PINX1: variants seen among roughly 807,000 people sequenced by gnomAD.
PINX1 encodes PIN2/TERF1-interacting telomerase inhibitor 1.
A neutral mutation model predicts 25.4 loss-of-function variants in PINX1; 34 were observed. The ratio of observed to expected loss-of-function variants is 1.34; its 90% CI spans 1.02 to 1.78. The LOEUF is 1.78. PINX1 is among the 40% of genes most tolerant of loss of function. PINX1 has a pLI of 0.00. For missense variants in PINX1, 592 were observed against 404.9 expected (o/e 1.46, Z -3.97); for synonymous variants, 197 against 147.7 (o/e 1.33, Z -2.42).
intron 6 of PINX1, among the ~76,000 whole-genome samples, chr8:10,785,882 A>T (rs1801732357): frequency 6.6e-6 from 1 of 152,232 alleles, no homozygotes; most frequent in South Asian, 2.1e-4. Context: ...TTTTCTCTTT[A>T]GCTAGACAAG....
intron 6 of PINX1, among the ~76,000 whole-genome samples, chr8:10,772,578 A>C (rs1316633916): frequency 6.6e-6 from 1 of 152,260 alleles, no homozygotes; most frequent in East Asian, 1.9e-4. Flanking sequence ...CACATCTGGA[A>C]TTAGGCTAAA....
At chr8:10,809,451 G>A (rs552994003) in intron 6 of PINX1, among the ~76,000 whole-genome samples, 1 of 152,270 alleles carries the variant, frequency 6.6e-6, no homozygotes, top group South Asian at 2.1e-4. Context: ...GTGCTCAATA[G>A]AAAATATAGC....
intron 6 of PINX1, among the ~76,000 whole-genome samples, chr8:10,770,901 G>A (rs532478676): frequency 6.6e-6 from 1 of 152,184 alleles, no homozygotes; most frequent in African/African-American, 2.4e-5. Context: ...AAGACACGGA[G>A]GTCATGCTGC....
At chr8:10,800,160 A>G (rs1318146036) in intron 6 of PINX1, among the ~76,000 whole-genome samples, 2 of 152,162 alleles carry the variant, frequency 1.3e-5, no homozygotes, top group Non-Finnish European at 2.9e-5. Context: ...ACTTCCACAA[A>G]GTGAGACCTT....
intron 4 of PINX1, among the ~76,000 whole-genome samples, chr8:10,831,310 A>G (rs1349212689): frequency 6.6e-6 from 1 of 152,248 alleles, no homozygotes; most frequent in African/African-American, 2.4e-5. Context: ...GGAACAGCTA[A>G]AGATTGGCTA....
chr8:10,779,443 C>T (rs1351036198), intron 6 of PINX1, among the ~76,000 whole-genome samples: 1 of 151,724 alleles, frequency 6.6e-6, no homozygotes, highest in Non-Finnish European at 1.5e-5. Context: ...AAAAGAAATT[C>T]CAGATGACTG....
intron 6 of PINX1, among the ~76,000 whole-genome samples, chr8:10,782,997 C>T (rs1356296254): frequency 9.2e-5 from 14 of 152,080 alleles, no homozygotes. Context: ...AGGGGAAACA[C>T]ACATTCCAAA....
chr8:10,826,140 G>C lies in PINX1; in HGVS notation c.394+12C>G, dbSNP rs193016234. The C allele has an allele frequency of 7.0e-7, 1 of 1,433,968 alleles. No homozygotes were observed. Among genetic ancestry groups the C allele is most frequent in the Non-Finnish European group, 9.7e-7 (1 of 1,031,696 alleles). 88.8% of individuals were successfully genotyped at this position (1,433,968 alleles called of 1,614,324 possible). A position where few individuals can be genotyped will look rare whatever the true frequency, so the allele number is the denominator to read the frequency against. ...AGATTTCAATAACAAGTAAAGAAAT[G>C]CTTAATCTTACCTTTTGTGAATTTC... On this transcript the variant is annotated intron_variant, in intron 5 of 6. Transcript: ENST00000314787.
chr8:10,823,459 A>C (rs1797937366), intron 5 of PINX1, among the ~76,000 whole-genome samples: 1 of 152,128 alleles, frequency 6.6e-6, no homozygotes, highest in Admixed American at 6.5e-5. Flanking sequence ...ATGGCTTTGT[A>C]TCGATTGACA....
chr8:10,765,999 G>A (rs1478160000), intron 6 of PINX1, 83 bp from the exon 7 acceptor site: 16 of 1,371,772 alleles, frequency 1.2e-5, no homozygotes, highest in East Asian at 4.6e-5. Context: ...CACACCCGGC[G>A]CTCACACCTG....
At chr8:10,827,127 T>C (rs1006036700) in intron 4 of PINX1, among the ~76,000 whole-genome samples, 3 of 152,230 alleles carry the variant, frequency 2.0e-5, no homozygotes, top group Admixed American at 6.5e-5. Context: ...GGAAAGACGT[T>C]CAGGACTCTC....
chr8:10,828,895 G>A (rs533493150), intron 4 of PINX1, among the ~76,000 whole-genome samples: 2 of 152,252 alleles, frequency 1.3e-5, no homozygotes, highest in East Asian at 3.9e-4. Flanking sequence ...ACACCCCTAC[G>A]CTAACCCAGC....
chr8:10,799,884 T>C (rs992151627), intron 6 of PINX1, among the ~76,000 whole-genome samples: 1 of 152,200 alleles, frequency 6.6e-6, no homozygotes, highest in Non-Finnish European at 1.5e-5. Flanking sequence ...ATAGGGAACA[T>C]GTTCTCAACC....
intron 6 of PINX1, among the ~76,000 whole-genome samples, chr8:10,797,926 C>T (rs1802138986): frequency 6.6e-6 from 1 of 152,222 alleles, no homozygotes; most frequent in African/African-American, 2.4e-5. Context: ...CCAATGCATG[C>T]AGGTGGGACA....
intron 6 of PINX1, among the ~76,000 whole-genome samples, chr8:10,791,959 G>A (rs1801936604): frequency 6.6e-6 from 1 of 152,172 alleles, no homozygotes; most frequent in Non-Finnish European, 1.5e-5. Flanking sequence ...TCTCTCCACA[G>A]AGGTGCCAGT....
At chr8:10,815,909 T>C (rs1184259221) in intron 6 of PINX1, among the ~76,000 whole-genome samples, 1 of 152,204 alleles carries the variant, frequency 6.6e-6, no homozygotes, top group East Asian at 1.9e-4. Flanking sequence ...AAGTAGATCA[T>C]GGAAACGACA....
chr8:10,772,768 G>A (rs1801268847), intron 6 of PINX1, among the ~76,000 whole-genome samples: 2 of 152,342 alleles, frequency 1.3e-5, no homozygotes, highest in Middle Eastern at 3.4e-3. Flanking sequence ...GAATTATGCA[G>A]CAACTCAATT....
At chr8:10,830,242 C>G (rs753124138) in intron 4 of PINX1, among the ~76,000 whole-genome samples, 6 of 152,194 alleles carry the variant, frequency 3.9e-5, no homozygotes, top group Admixed American at 6.5e-5. Flanking sequence ...GGAAAACTGT[C>G]CAAGTTATAC....
At chr8:10,839,608 T>TCCCCGGTC (rs995613262) in intron 1 of PINX1, 130 bp downstream of exon 1, 13 of 923,798 alleles carry the variant, frequency 1.4e-5, no homozygotes, top group Admixed American at 4.5e-5. Flanking sequence ...CGGGCTCGGC[T>TCCCCGGTC]CCCCGGTCCC....
Sources: gnomAD v4.1 joint callset for allele counts (sites outside exome capture counted in the v4.1 genomes callset) on GRCh38, gnomAD v4.1.1 for gene constraint, MANE v1.5 for transcripts, NCBI Gene and HGNC (gene_info 2026-07-23, HGNC 2026-07-21) for gene names.